The following DCC variants were observed in gnomAD, a reference collection of about 807,000 sequenced individuals.
The protein encoded by DCC is DCC netrin 1 receptor, also known as netrin receptor DCC.
In DCC, 58 loss-of-function variants were observed where a neutral mutation model predicts 172.5. That is an observed-to-expected ratio of 0.34 (90% CI 0.27 to 0.42). DCC has a LOEUF of 0.42. DCC is among the 10% of genes least tolerant of loss of function. The pLI, the probability that DCC is intolerant of heterozygous loss-of-function variation, is 1.00. For missense variants in DCC, 1,740 were observed against 1,791.0 expected, an observed-to-expected ratio of 0.97 and a Z score of 0.51; for synonymous variants, 709 against 644.5, an observed-to-expected ratio of 1.10 and a Z score of -1.52.
intron 5 of DCC, among the ~76,000 whole-genome samples, chr18:52,930,059 A>C (rs994884905): frequency 1.3e-5 from 2 of 151,314 alleles, no homozygotes; most frequent in African/African-American, 4.9e-5. Flanking sequence ...ATGATCCTCC[A>C]TTCTCAGCCT....
chr18:53,123,050 A>C (rs8094068), intron 7 of DCC, among the ~76,000 whole-genome samples: 1 of 152,046 alleles, frequency 6.6e-6, no homozygotes. Flanking sequence ...CAAAACAGGC[A>C]TTGCATCCAC....
intron 12 of DCC, among the ~76,000 whole-genome samples, chr18:53,222,577 G>A (rs2055957925): frequency 1.3e-5 from 2 of 151,346 alleles, no homozygotes; most frequent in Non-Finnish European, 2.9e-5. Flanking sequence ...TAGTAGAGAC[G>A]GGGTTTCACC....
intron 5 of DCC, among the ~76,000 whole-genome samples, chr18:52,930,834 A>G (rs2040296664): frequency 6.6e-6 from 1 of 152,114 alleles, no homozygotes; most frequent in Non-Finnish European, 1.5e-5. Context: ...TATGGCACCA[A>G]ATCTTTTTCT....
intron 12 of DCC, among the ~76,000 whole-genome samples, chr18:53,244,793 G>A (rs2056346355): frequency 6.6e-6 from 1 of 152,032 alleles, no homozygotes; most frequent in Admixed American, 6.6e-5. Flanking sequence ...TCACAATTTG[G>A]AATCTGGTTT....
chr18:53,178,612 G>A (rs936286953), intron 8 of DCC, among the ~76,000 whole-genome samples: 5 of 152,152 alleles, frequency 3.3e-5, no homozygotes, highest in African/African-American at 9.7e-5. Flanking sequence ...TACAAAACTC[G>A]TCTTCCTGTC....
chr18:52,703,084 T>C (rs2036152150), intron 1 of DCC, among the ~76,000 whole-genome samples: 1 of 152,336 alleles, frequency 6.6e-6, no homozygotes, highest in South Asian at 2.1e-4. Context: ...GAGTTTTTCT[T>C]TCTCTGATTC....
chr18:53,311,633 A>G (rs1226007146), intron 13 of DCC, among the ~76,000 whole-genome samples: 1 of 152,226 alleles, frequency 6.6e-6, no homozygotes, highest in Admixed American at 6.5e-5. Context: ...ATTAACATTA[A>G]AAACAATGTT....
intron 1 of DCC, among the ~76,000 whole-genome samples, chr18:52,731,009 G>T (rs530119107): frequency 2.6e-5 from 4 of 152,230 alleles, no homozygotes; most frequent in African/African-American, 9.6e-5. Context: ...TAAGATAATT[G>T]TTATTGATTA....
At chr18:52,432,713 C>G (rs931282380) in intron 1 of DCC, among the ~76,000 whole-genome samples, 1 of 152,120 alleles carries the variant, frequency 6.6e-6, no homozygotes, top group Non-Finnish European at 1.5e-5. Flanking sequence ...TTGATAATCA[C>G]TTATGGACAT....
At chr18:53,280,701 T>G (rs751116067) in intron 12 of DCC, among the ~76,000 whole-genome samples, 4 of 152,126 alleles carry the variant, frequency 2.6e-5, no homozygotes, top group Non-Finnish European at 5.9e-5. Context: ...TGGAGCAGCC[T>G]GACAATTTTG....
At chr18:52,794,644 T>C (rs187987870) in intron 2 of DCC, among the ~76,000 whole-genome samples, 73 of 152,202 alleles carry the variant, frequency 4.8e-4, no homozygotes, top group African/African-American at 1.7e-3. Context: ...CTTGCTTGAT[T>C]GCTGTGCTAG....
Position 52,426,329 on chromosome 18 carries a change from A to G in DCC, c.91+85451A>G, listed in dbSNP as rs534393368. ...TTTTTTTTTTGGCATCGCTTACTCCAACTTGACAGCTTGAGCTAAAGCTCT... is the reference window on the plus strand; with the variant it reads ...TTTTTTTTTTGGCATCGCTTACTCCGACTTGACAGCTTGAGCTAAAGCTCT... On this transcript the variant is annotated intron_variant, in intron 1 of 28. Transcript: ENST00000442544. 4.0e-4 allele frequency among the ~76,000 whole-genome samples: 60 copies of G among 149,376 alleles called. 1 individual carries two copies. The highest frequency in any genetic ancestry group is 7.9e-4 in the Non-Finnish European group (53 of 67,476).
intron 12 of DCC, among the ~76,000 whole-genome samples, chr18:53,253,912 C>G (rs1432575385): frequency 1.3e-5 from 2 of 152,010 alleles, no homozygotes; most frequent in Non-Finnish European, 2.9e-5. Context: ...GATGCTTCAT[C>G]TGGAACAGGT....
At chr18:52,688,126 C>CT (rs35412820) in intron 1 of DCC, among the ~76,000 whole-genome samples, 1,903 of 144,148 alleles carry the variant, frequency 0.013, 37 homozygotes, top group African/African-American at 0.043. Flanking sequence ...CAGGGATCTT[C>CT]TTTTTTTTTT....
intron 1 of DCC, among the ~76,000 whole-genome samples, chr18:52,511,997 A>G (rs1186116692): frequency 1.3e-5 from 2 of 152,142 alleles, no homozygotes; most frequent in Non-Finnish European, 2.9e-5. Flanking sequence ...CTTTCCTGAA[A>G]CTGAATAAAT....
chr18:52,766,983 A>G (rs1457185216), intron 2 of DCC, among the ~76,000 whole-genome samples: 1 of 151,948 alleles, frequency 6.6e-6, no homozygotes, highest in Non-Finnish European at 1.5e-5. Flanking sequence ...CTTGCAGCAA[A>G]TAGGAAGAGA....
chr18:53,240,691 G>C (rs2056279462), intron 12 of DCC, among the ~76,000 whole-genome samples: 1 of 152,076 alleles, frequency 6.6e-6, no homozygotes, highest in African/African-American at 2.4e-5. Flanking sequence ...TTGTCGTTGG[G>C]ACTAAATAAG....
At position 53,339,777 on chromosome 18, in the gene DCC, G is replaced by A; in HGVS notation, c.2229G>A (p.Met743Ile). ...GGCCCCAGACTAACTGCATCATCAT[G>A]AGTTGGACTCCTCCCTTGAACCCAA... ...HVRPQTNCII[M>I]SWTPPLNPNI... The change falls in exon 15 of 29, where the codon ATG (methionine) becomes ATA (isoleucine). Residue 743 changes from methionine (M) to isoleucine (I), a missense_variant. Transcript: ENST00000442544. The A allele has an allele frequency of 6.2e-7, 1 of 1,613,926 alleles. No individual in the cohort carries two copies. The highest frequency in any genetic ancestry group is 8.5e-7 in the Non-Finnish European group (1 of 1,179,912).
intron 2 of DCC, among the ~76,000 whole-genome samples, chr18:52,826,021 C>G (rs895326101): frequency 6.6e-6 from 1 of 152,214 alleles, no homozygotes; most frequent in Non-Finnish European, 1.5e-5. Context: ...CTTCCACAAG[C>G]TGTCCTTAAA....
Sources: gnomAD v4.1 joint callset for allele counts (sites outside exome capture counted in the v4.1 genomes callset) on GRCh38, gnomAD v4.1.1 for gene constraint, MANE v1.5 for transcripts, NCBI Gene and HGNC (gene_info 2026-07-23, HGNC 2026-07-21) for gene names.